The following CMSS1 variants were observed in gnomAD, a reference collection of about 807,000 sequenced individuals.
CMSS1 encodes cms1 ribosomal small subunit homolog.
CMSS1 carries 33 observed loss-of-function variants against 43.5 expected under a neutral mutation model. The ratio of observed to expected loss-of-function variants is 0.76; its 90% CI spans 0.57 to 1.01. The LOEUF is 1.01. Ranked by LOEUF, CMSS1 falls within the 50% of genes least tolerant of loss-of-function variation. The pLI is 0.00. For missense variants in CMSS1, 313 were observed against 326.4 expected (o/e 0.96, Z 0.32); for synonymous variants, 115 against 117.2 (o/e 0.98, Z 0.12).
intron 1 of CMSS1, among the ~76,000 whole-genome samples, chr3:100,039,495 A>C (rs562691825): frequency 6.6e-6 from 1 of 152,190 alleles, no homozygotes; most frequent in East Asian, 1.9e-4. Flanking sequence ...AGTAAAATTT[A>C]TTTCAAATTA....
At chr3:100,107,341 G>GTACACAT (rs1559759713) in intron 1 of CMSS1, among the ~76,000 whole-genome samples, 1 of 152,068 alleles carries the variant, frequency 6.6e-6, no homozygotes, top group Admixed American at 6.6e-5. Context: ...AGTGCATGTG[G>GTACACAT]GTTTTAAGTA....
chr3:99,953,565 C>T (rs1382636626), intron 1 of CMSS1, among the ~76,000 whole-genome samples: 1 of 152,102 alleles, frequency 6.6e-6, no homozygotes, highest in African/African-American at 2.4e-5. Context: ...GTCCTAAATC[C>T]TTGCATTTTT....
chr3:100,087,564 T>C (rs1380635381), intron 1 of CMSS1, among the ~76,000 whole-genome samples: 1 of 152,170 alleles, frequency 6.6e-6, no homozygotes, highest in Non-Finnish European at 1.5e-5. Flanking sequence ...AACCTTTTGC[T>C]TTTTTTGTTT....
chr3:99,845,898 T>C (rs914683205), intron 1 of CMSS1, among the ~76,000 whole-genome samples: 2 of 152,226 alleles, frequency 1.3e-5, no homozygotes, highest in Non-Finnish European at 2.9e-5. Flanking sequence ...GAAAGTTTGG[T>C]AAATTTCCAG....
chr3:99,869,148 T>C (rs1044511224), intron 1 of CMSS1, among the ~76,000 whole-genome samples: 4 of 152,210 alleles, frequency 2.6e-5, no homozygotes, highest in African/African-American at 9.6e-5. Context: ...CTCTTGTTCT[T>C]GTCACTTCTG....
chr3:99,869,865 G>C (rs1944702551), intron 1 of CMSS1, among the ~76,000 whole-genome samples: 2 of 152,188 alleles, frequency 1.3e-5, no homozygotes, highest in South Asian at 4.1e-4. Flanking sequence ...AAATCTGGCA[G>C]ATTTGCTTCT....
chr3:99,990,971 C>A (rs1199082524), intron 1 of CMSS1, among the ~76,000 whole-genome samples: 1 of 152,058 alleles, frequency 6.6e-6, no homozygotes, highest in East Asian at 1.9e-4. Flanking sequence ...AAGTCTCTGC[C>A]TTTTGGGAAT....
chr3:100,172,322 G>A lies in CMSS1; in HGVS notation c.586G>A (p.Ala196Thr). 2 of 1,613,712 alleles carry A rather than the reference G, an allele frequency of 1.2e-6. No homozygotes were observed. Among genetic ancestry groups the A allele is most frequent in the Non-Finnish European group, 1.7e-6 (2 of 1,179,744 alleles). The change falls in exon 8 of 10, where the codon GCG becomes ACG. Residue 196 changes from alanine (A) to threonine (T), a missense_variant. Physicochemically the swap from Ala to Thr is moderately conservative, Grantham distance 58. Coordinates refer to ENST00000421999, the MANE Select transcript of CMSS1 (RefSeq NM_032359.4). The part of the protein sequence containing the change: ...KLFAKHIKVQ[A>T]QVKLLEKRVV... ...CTCTTTCATCTTGGAACAGGTCCAG[G>A]CGCAGGTAAAGTTGCTGGAGAAGCG...
intron 1 of CMSS1, among the ~76,000 whole-genome samples, chr3:100,038,689 C>T (rs561861638): frequency 4.4e-4 from 67 of 152,208 alleles, no homozygotes; most frequent in African/African-American, 1.5e-3. Flanking sequence ...TTAAAGGACA[C>T]GATCTCAGTC....
At chr3:99,874,997 G>T (rs1397579813) in intron 1 of CMSS1, among the ~76,000 whole-genome samples, 1 of 152,096 alleles carries the variant, frequency 6.6e-6, no homozygotes, top group Non-Finnish European at 1.5e-5. Context: ...AGTTTGAATT[G>T]TATATACTTA....
At chr3:100,081,446 C>A (rs1344809510) in intron 1 of CMSS1, among the ~76,000 whole-genome samples, 1 of 152,122 alleles carries the variant, frequency 6.6e-6, no homozygotes, top group Non-Finnish European at 1.5e-5. Flanking sequence ...CAATGCTAGT[C>A]TCTTAGAGGA....
chr3:100,179,641 A>G lies in CMSS1; in HGVS notation c.*1253A>G, dbSNP rs2067172907. 2 of 152,436 alleles carry G rather than the reference A, an allele frequency of 1.3e-5. No homozygotes were observed. Among genetic ancestry groups the G allele is most frequent in the South Asian group, 4.1e-4 (2 of 4,826 alleles). 9.4% of individuals were successfully genotyped at this position (152,436 alleles called of 1,614,324 possible). A position where few individuals can be genotyped will look rare whatever the true frequency, so the allele number is the denominator to read the frequency against. On this transcript the variant is annotated 3_prime_UTR_variant, in exon 10 of 10. Transcript: ENST00000421999. ...GGCAGCTCTGCCCCTGTGGCTCTGCAGGGTACAGTCCCCATGGTTGCTTTC... is the reference window on the plus strand; with the variant it reads ...GGCAGCTCTGCCCCTGTGGCTCTGCGGGGTACAGTCCCCATGGTTGCTTTC...
At chr3:99,888,005 A>G (rs573633109) in intron 1 of CMSS1, among the ~76,000 whole-genome samples, 2 of 152,220 alleles carry the variant, frequency 1.3e-5, no homozygotes, top group South Asian at 2.1e-4. Context: ...TGGCCTCCCA[A>G]AGTACTGGGA....
intron 1 of CMSS1, chr3:100,141,634 G>A: frequency 6.7e-6 from 3 of 449,954 alleles, no homozygotes; most frequent in South Asian, 3.2e-5. Flanking sequence ...GAAGATGAAG[G>A]TAGGGATTGA....
chr3:100,130,988 A>G (rs1236954098), intron 1 of CMSS1, among the ~76,000 whole-genome samples: 2 of 152,192 alleles, frequency 1.3e-5, no homozygotes, highest in Non-Finnish European at 2.9e-5. Context: ...AGAGTGTCAA[A>G]AAGTTGAGAG....
In CMSS1 at chr3:99,848,385, G is replaced by A. The variant is rs191265397; in HGVS notation, c.64+30342G>A. On this transcript the variant is annotated intron_variant, in intron 1 of 9. Coordinates refer to ENST00000421999, the MANE Select transcript of CMSS1 (RefSeq NM_032359.4). ...TATTGGTTGTTTTGTTTAGTGCCCC[G>A]TTAATTAAGCCTTGAGTTCGGTTAT... 6.2e-6 allele frequency: 10 copies of A among 1,614,168 alleles called. No individual in the cohort carries two copies. The Admixed American group carries it at 8.3e-5, about 13-fold the overall frequency.
intron 2 of CMSS1, among the ~76,000 whole-genome samples, chr3:100,153,923 T>C (rs2066946630): frequency 1.3e-5 from 2 of 151,916 alleles, no homozygotes; most frequent in Non-Finnish European, 2.9e-5. Context: ...CGATCTCAGC[T>C]CACTGCAACC....
chr3:100,123,352 G>C (rs2066637064), intron 1 of CMSS1, among the ~76,000 whole-genome samples: 1 of 152,182 alleles, frequency 6.6e-6, no homozygotes, highest in Admixed American at 6.5e-5. Context: ...GCATGGCTGG[G>C]GTATTGTGAG....
At chr3:100,170,651 A>G (rs1576120678) in intron 6 of CMSS1, among the ~76,000 whole-genome samples, 2 of 152,396 alleles carry the variant, frequency 1.3e-5, no homozygotes, top group Admixed American at 1.3e-4. Flanking sequence ...AACCCTGGAC[A>G]GATAATGTTA....
Sources: allele counts gnomAD v4.1 joint callset (sites outside exome capture counted in the v4.1 genomes callset), GRCh38; gene constraint gnomAD v4.1.1; transcripts MANE v1.5; gene names NCBI Gene and HGNC (gene_info 2026-07-23, HGNC 2026-07-21).